The following PTPRM variants were observed in gnomAD, a reference collection of about 807,000 sequenced individuals.
PTPRM encodes protein tyrosine phosphatase receptor type M, also known as receptor-type tyrosine-protein phosphatase mu.
A neutral mutation model predicts 186.7 loss-of-function variants in PTPRM; 47 were observed. The observed-to-expected ratio is 0.25, with a 90% confidence interval of 0.20 to 0.32. The LOEUF (loss-of-function observed/expected upper bound fraction) is 0.32. Ranked by LOEUF, PTPRM falls within the 10% of genes least tolerant of loss-of-function variation. PTPRM has a pLI of 1.00. For synonymous variants in PTPRM, 668 were observed against 674.9 expected (o/e 0.99, Z 0.16); for missense variants, 1,494 against 1,865.0 (o/e 0.80, Z 3.66).
chr18:7,689,455 G>A (rs1399316410), intron 1 of PTPRM, among the ~76,000 whole-genome samples: 1 of 152,170 alleles, frequency 6.6e-6, no homozygotes, highest in Non-Finnish European at 1.5e-5. Flanking sequence ...CCTCACCAAG[G>A]AAAGATGTTG....
At chr18:7,952,378 T>C (rs1207522551) in intron 6 of PTPRM, among the ~76,000 whole-genome samples, 1 of 152,212 alleles carries the variant, frequency 6.6e-6, no homozygotes, top group Non-Finnish European at 1.5e-5. Context: ...ACCTCTTTCA[T>C]CCTTTCCCTT....
At chr18:8,066,474 T>C (rs2089087010) in intron 7 of PTPRM, among the ~76,000 whole-genome samples, 1 of 152,154 alleles carries the variant, frequency 6.6e-6, no homozygotes, top group Admixed American at 6.5e-5. Context: ...CCTGTAAGCT[T>C]TTGACAAATG....
intron 19 of PTPRM, among the ~76,000 whole-genome samples, chr18:8,278,165 A>G (rs1374703038): frequency 3.3e-5 from 5 of 152,256 alleles, no homozygotes; most frequent in African/African-American, 9.6e-5. Context: ...CTAATGAGAA[A>G]GACATGCCTG....
intron 1 of PTPRM, among the ~76,000 whole-genome samples, chr18:7,647,712 T>C (rs909009302): frequency 1.3e-5 from 2 of 152,218 alleles, no homozygotes; most frequent in Admixed American, 1.3e-4. Context: ...CTTGCTCCCT[T>C]GACTTCAGGG....
chr18:8,258,863 C>A (rs572890113), intron 19 of PTPRM, among the ~76,000 whole-genome samples: 3 of 150,218 alleles, frequency 2.0e-5, no homozygotes, highest in African/African-American at 7.3e-5. Flanking sequence ...GCATCCTATT[C>A]TTCAAAAAAA....
intron 7 of PTPRM, among the ~76,000 whole-genome samples, chr18:7,977,447 C>A (rs564018590): frequency 6.6e-6 from 1 of 152,160 alleles, no homozygotes; most frequent in African/African-American, 2.4e-5. Flanking sequence ...CACACGTGCA[C>A]ACCTTGCAAG....
chr18:7,660,808 A>G (rs1226076058), intron 1 of PTPRM, among the ~76,000 whole-genome samples: 4 of 151,984 alleles, frequency 2.6e-5, no homozygotes, highest in Non-Finnish European at 4.4e-5. Context: ...TGTCTCTACC[A>G]AAAAACAGAA....
intron 2 of PTPRM, among the ~76,000 whole-genome samples, chr18:7,860,390 T>C (rs8094421): frequency 0.01 from 1,565 of 152,214 alleles, 28 homozygotes; most frequent in African/African-American, 0.036. Flanking sequence ...TTTTTAAGTT[T>C]TTCTTTTAGT....
chr18:7,799,840 C>T (rs913444186), intron 2 of PTPRM, among the ~76,000 whole-genome samples: 2 of 152,026 alleles, frequency 1.3e-5, no homozygotes, highest in Admixed American at 6.6e-5. Flanking sequence ...TTTTTATATG[C>T]ATATATAACA....
chr18:8,064,297 C>T (rs2088875496), intron 7 of PTPRM, among the ~76,000 whole-genome samples: 2 of 152,062 alleles, frequency 1.3e-5, no homozygotes, highest in African/African-American at 2.4e-5. Context: ...CTATGTCCAT[C>T]TTAAACCAAG....
intron 22 of PTPRM, among the ~76,000 whole-genome samples, chr18:8,337,098 C>T (rs534611322): frequency 6.6e-6 from 1 of 152,228 alleles, no homozygotes; most frequent in South Asian, 2.1e-4. Flanking sequence ...TTGGCAGAGT[C>T]CTTATAGATA....
At chr18:7,817,599 T>C (rs2044909759) in intron 2 of PTPRM, among the ~76,000 whole-genome samples, 3 of 149,838 alleles carry the variant, frequency 2.0e-5, no homozygotes, top group Admixed American at 6.8e-5. Context: ...TGATTCAATA[T>C]GTGAAGTGAT....
intron 2 of PTPRM, among the ~76,000 whole-genome samples, chr18:7,825,318 G>A (rs1309837066): frequency 6.6e-6 from 1 of 152,086 alleles, no homozygotes; most frequent in Non-Finnish European, 1.5e-5. Context: ...CCATGCAGAG[G>A]ACTACTATGA....
At chr18:8,172,613 C>G (rs1239637583) in intron 14 of PTPRM, among the ~76,000 whole-genome samples, 2 of 151,738 alleles carry the variant, frequency 1.3e-5, no homozygotes, top group Non-Finnish European at 2.9e-5. Flanking sequence ...ACCACTGCTC[C>G]AGAGGGGTGG....
chr18:7,922,746 C>G (rs1373629931), intron 4 of PTPRM, among the ~76,000 whole-genome samples: 1 of 151,946 alleles, frequency 6.6e-6, no homozygotes, highest in Non-Finnish European at 1.5e-5. Context: ...CATTTCAGAA[C>G]TGGCAAAAAT....
chr18:7,955,324 G>C lies in PTPRM; in HGVS notation c.1042G>C (p.Glu348Gln), dbSNP rs767112903. 1.2e-6 allele frequency: 2 copies of C among 1,614,102 alleles called. No homozygotes were observed. The highest frequency in any genetic ancestry group is 2.7e-5 in the African/African-American group (2 of 74,934). ...YKIGHLDPDT[E>Q]YEISVLLTRP... ...AATTGGACACCTTGACCCAGATACA[G>C]AATATGAGATTAGTGTGCTCCTGAC... Residue 348 changes from glutamate (E) to glutamine (Q), a missense_variant, in exon 7 of 33, where the codon GAA becomes CAA. Around this residue, in one of 3 missense-constraint regions of PTPRM, gnomAD observed 91 missense variants for 169.3 expected, o/e 0.54. Transcript: ENST00000580170.
intron 1 of PTPRM, among the ~76,000 whole-genome samples, chr18:7,725,715 C>G (rs2040534865): frequency 6.6e-6 from 1 of 152,152 alleles, no homozygotes; most frequent in South Asian, 2.1e-4. Context: ...CGGCTGGACT[C>G]CAAGGGAACA....
chr18:7,835,696 G>A (rs904628799), intron 2 of PTPRM, among the ~76,000 whole-genome samples: 12 of 151,834 alleles, frequency 7.9e-5, no homozygotes, highest in Non-Finnish European at 4.4e-5. Context: ...TTGTATTGGG[G>A]TCTCTATCTC....
chr18:8,049,220 C>T (rs777980113), intron 7 of PTPRM: 9 of 152,166 alleles, frequency 5.9e-5, no homozygotes, highest in Non-Finnish European at 1.2e-4. Flanking sequence ...ATTCAAGATT[C>T]TAATTTTGAG....
Sources: gnomAD v4.1 joint callset for allele counts (sites outside exome capture counted in the v4.1 genomes callset) on GRCh38, gnomAD v4.1.1 for gene constraint, gnomAD v4.1.1 regional missense constraint, MANE v1.5 for transcripts, NCBI Gene and HGNC (gene_info 2026-07-23, HGNC 2026-07-21) for gene names.